The following TSHR variants were observed in gnomAD, a reference collection of about 807,000 sequenced individuals.
TSHR encodes thyrotropin receptor.
Under a neutral mutation model 64.1 loss-of-function variants are expected in TSHR, and 51 were observed. The ratio of observed to expected loss-of-function variants is 0.80; its 90% CI spans 0.64 to 1.01. TSHR has a LOEUF of 1.01. TSHR is among the 50% of genes least tolerant of loss of function. The probability of loss-of-function intolerance (pLI) is 0.00; values close to 1 mark genes in which losing one functional copy is unlikely to be tolerated. For missense variants in TSHR, 877 were observed against 942.8 expected (o/e 0.93, Z 0.91); for synonymous variants, 361 against 361.9 (o/e 1.00, Z 0.03).
chr14:81,013,924 T>G (rs1310580138), intron 1 of TSHR: 1 of 152,184 alleles, frequency 6.6e-6, no homozygotes, highest in Non-Finnish European at 1.5e-5. Flanking sequence ...GGTGATGGGA[T>G]TTATGGGATT....
chr14:81,018,206 T>C (rs1454234184), intron 1 of TSHR, among the ~76,000 whole-genome samples: 1 of 152,202 alleles, frequency 6.6e-6, no homozygotes, highest in Non-Finnish European at 1.5e-5. Flanking sequence ...AAGAGCTTAG[T>C]TCATGAAAGC....
chr14:81,029,093 G>A (rs1230917181), intron 1 of TSHR, among the ~76,000 whole-genome samples: 1 of 151,674 alleles, frequency 6.6e-6, no homozygotes, highest in African/African-American at 2.4e-5. Flanking sequence ...GACATATGAA[G>A]AAATAGAAAA....
At chr14:81,025,707 A>C (rs1884015429) in intron 1 of TSHR, among the ~76,000 whole-genome samples, 2 of 152,240 alleles carry the variant, frequency 1.3e-5, no homozygotes, top group Admixed American at 6.5e-5. Flanking sequence ...TGAAAGGATG[A>C]AATATTTAGT....
chr14:81,052,843 G>A (rs528104678), intron 1 of TSHR: 1 of 151,824 alleles, frequency 6.6e-6, no homozygotes, highest in Non-Finnish European at 1.5e-5. Context: ...ATAGTTCATT[G>A]TTACCATATA....
intron 1 of TSHR, chr14:81,050,314 T>C (rs1236495535): frequency 6.6e-6 from 1 of 152,204 alleles, no homozygotes; most frequent in Non-Finnish European, 1.5e-5. Flanking sequence ...ATTTTTTGTA[T>C]GAAACAACAA....
intron 1 of TSHR, among the ~76,000 whole-genome samples, chr14:81,041,370 G>A (rs376917802): frequency 2.1e-4 from 32 of 152,120 alleles, no homozygotes; most frequent in African/African-American, 7.2e-4. Flanking sequence ...CCTTTGCAGG[G>A]ACATGGATGA....
chr14:81,142,324 C>A (rs1276403825), intron 9 of TSHR, among the ~76,000 whole-genome samples: 1 of 151,518 alleles, frequency 6.6e-6, no homozygotes, highest in Non-Finnish European at 1.5e-5. Context: ...AAGTGATGTG[C>A]CTGCCTTGGC....
chr14:81,115,673 C>A lies in TSHR; in HGVS notation c.692+7221C>A, dbSNP rs562668862. Among the ~76,000 whole-genome samples the A allele has an allele frequency of 1.3e-3, 205 of 152,066 alleles. 2 individuals are homozygous for A. The highest frequency in any genetic ancestry group is 4.8e-3 in the African/African-American group (199 of 41,452). On this transcript the variant is annotated intron_variant, in intron 8 of 9. Coordinates refer to ENST00000298171, the MANE Select transcript of TSHR (RefSeq NM_000369.5). ...GGCCAACGTTCAGATTCAGGAAATA[C>A]AGAGAATGCCACAAAGATACTCCTC...
At chr14:81,044,772 GAA>G (rs1041732271) in intron 1 of TSHR, among the ~76,000 whole-genome samples, 2 of 151,886 alleles carry the variant, frequency 1.3e-5, no homozygotes, top group African/African-American at 4.8e-5. Flanking sequence ...AGATTGCAGA[GAA>G]AAAAAGAATG....
At chr14:81,012,215 T>C (rs1889951612) in intron 1 of TSHR, 1 of 151,568 alleles carries the variant, frequency 6.6e-6, no homozygotes, top group Non-Finnish European at 1.5e-5. Flanking sequence ...CTTGCGATAG[T>C]TTACTAAGAA....
chr14:81,060,202 C>T (rs1886132330), intron 1 of TSHR, among the ~76,000 whole-genome samples: 1 of 152,080 alleles, frequency 6.6e-6, no homozygotes. Context: ...AAATGTTTGC[C>T]TTACGACAGC....
chr14:81,087,065 T>C (rs1441048988), intron 3 of TSHR, among the ~76,000 whole-genome samples: 1 of 152,262 alleles, frequency 6.6e-6, no homozygotes, highest in Non-Finnish European at 1.5e-5. Context: ...TTGAAGTTTA[T>C]GGAATGTAAA....
chr14:81,095,571 CA>C (rs11396824), intron 6 of TSHR: 1,592 of 147,550 alleles, frequency 0.011, 31 homozygotes, highest in African/African-American at 0.035. Context: ...GACTCCCTGT[CA>C]AAAAAAAAAA....
chr14:81,048,063 A>G (rs1885255287), intron 1 of TSHR, among the ~76,000 whole-genome samples: 4 of 152,218 alleles, frequency 2.6e-5, no homozygotes, highest in South Asian at 2.1e-4. Flanking sequence ...TTTGCAATAG[A>G]TAGCTCGCTT....
chr14:81,133,739 A>C (rs1193225641), intron 8 of TSHR, among the ~76,000 whole-genome samples: 1 of 152,180 alleles, frequency 6.6e-6, no homozygotes, highest in East Asian at 1.9e-4. Context: ...CCAGTCAAAG[A>C]ATGCTCCTAA....
chr14:81,141,080 C>T (rs1301142762), intron 9 of TSHR, among the ~76,000 whole-genome samples: 3 of 152,312 alleles, frequency 2.0e-5, no homozygotes, highest in South Asian at 4.1e-4. Flanking sequence ...GAGCCGAGAT[C>T]GTGCCAGTGC....
In TSHR at chr14:81,139,978, T is replaced by C. The variant is rs558071753; in HGVS notation, c.881+111T>C. 6 of 1,386,656 alleles carry C rather than the reference T, an allele frequency of 4.3e-6. No individual in the cohort carries two copies. The Admixed American group carries it at 1.2e-4, about 27-fold the overall frequency. 85.9% of individuals were successfully genotyped at this position (1,386,656 alleles called of 1,614,324 possible). ...GTTTGAAAACCAGGTGGAGAGGAAA[T>C]TGGAAGCATCCATATGAAACAGGAA... On this transcript the variant is annotated intron_variant, in intron 9 of 9. Transcript: ENST00000298171.
intron 1 of TSHR, among the ~76,000 whole-genome samples, chr14:81,055,255 A>G (rs1885701595): frequency 6.6e-6 from 1 of 152,002 alleles, no homozygotes; most frequent in Non-Finnish European, 1.5e-5. Flanking sequence ...AGGTTTGGGA[A>G]CCTCCTCTTA....
At chr14:81,124,358 T>C (rs1353018327) in intron 8 of TSHR, among the ~76,000 whole-genome samples, 3 of 152,106 alleles carry the variant, frequency 2.0e-5, no homozygotes, top group East Asian at 1.9e-4. Context: ...TGAGCAAACA[T>C]ATATTTTAAA....
Sources: gnomAD v4.1 joint callset for allele counts (sites outside exome capture counted in the v4.1 genomes callset) on GRCh38, gnomAD v4.1.1 for gene constraint, MANE v1.5 for transcripts, NCBI Gene and HGNC (gene_info 2026-07-23, HGNC 2026-07-21) for gene names.